SHC3: variants seen among roughly 807,000 people sequenced by gnomAD.
SHC3 encodes the protein SHC adaptor protein 3.
SHC3 carries 15 observed loss-of-function variants against 60.4 expected under a neutral mutation model. That is an observed-to-expected ratio of 0.25 (90% CI 0.17 to 0.38). SHC3 has a LOEUF of 0.38. SHC3 is among the 10% of genes least tolerant of loss of function. The pLI is 1.00. For missense variants in SHC3, 677 were observed against 786.1 expected (o/e 0.86, Z 1.66); for synonymous variants, 294 against 325.9 (o/e 0.90, Z 1.05).
chr9:89,174,471 T>C (rs940074645), intron 1 of SHC3, among the ~76,000 whole-genome samples: 2 of 152,208 alleles, frequency 1.3e-5, no homozygotes, highest in Admixed American at 6.5e-5. Context: ...GTAACTTCGC[T>C]GGAGCCTTCA....
rs1007441420 is a variant in SHC3, at chr9:89,169,797, G to A, written c.474+8190C>T. Among the ~76,000 whole-genome samples the A allele has an allele frequency of 3.9e-5, 6 of 152,110 alleles. No homozygotes were observed. The East Asian group carries it at 1.2e-3, about 29-fold the overall frequency. ...CTCATTTTACCATTCTCTCTATTTTGTTGTGTTTATATGTTTCCTATGATG... is the reference window on the plus strand; with the variant it reads ...CTCATTTTACCATTCTCTCTATTTTATTGTGTTTATATGTTTCCTATGATG... On this transcript the variant is annotated intron_variant, in intron 1 of 11. Transcript: ENST00000375835.
At chr9:89,032,258 A>C (rs1165302079) in intron 11 of SHC3, among the ~76,000 whole-genome samples, 4 of 152,218 alleles carry the variant, frequency 2.6e-5, no homozygotes, top group Admixed American at 6.5e-5. Context: ...AACATTTAAA[A>C]ACTACTCTTA....
chr9:89,037,873 G>C (rs1824608204), intron 11 of SHC3, 120 bp downstream of exon 11: 2 of 1,283,000 alleles, frequency 1.6e-6, no homozygotes, highest in African/African-American at 3.0e-5. Flanking sequence ...TCCCCTGGAG[G>C]ACTCAGTAGG....
intron 11 of SHC3, among the ~76,000 whole-genome samples, chr9:89,018,557 G>A (rs566522751): frequency 6.6e-6 from 1 of 152,168 alleles, no homozygotes; most frequent in Admixed American, 6.5e-5. Context: ...GATGAGCACA[G>A]CAAACCACCA....
chr9:89,131,952 A>C (rs1187936606), intron 1 of SHC3, among the ~76,000 whole-genome samples: 1 of 152,198 alleles, frequency 6.6e-6, no homozygotes, highest in Non-Finnish European at 1.5e-5. Flanking sequence ...TCAAATAGGA[A>C]AAGAGGAAGT....
At position 89,129,091 on chromosome 9, in the gene SHC3, C is replaced by T. The variant is rs188047483; in HGVS notation, c.475-16465G>A. On this transcript the variant is annotated intron_variant, in intron 1 of 11. Transcript: ENST00000375835. ...CCTGATGGAGCTAAAAACCATGGCA[C>T]GAGAACTACGTGACACATGCACAAG... Among the ~76,000 whole-genome samples, 29 of 152,146 alleles carry T rather than the reference C, an allele frequency of 1.9e-4. 1 individual carries two copies. Among genetic ancestry groups the T allele is most frequent in the African/African-American group, 6.0e-4 (25 of 41,496 alleles).
Position 89,071,260 on chromosome 9 carries a change from G to T in SHC3, c.730-8C>A. The T allele has an allele frequency of 6.2e-7, 1 of 1,614,022 alleles. No individual in the cohort carries two copies. The highest frequency in any genetic ancestry group is 8.5e-7 in the Non-Finnish European group (1 of 1,179,942). On this transcript the variant is annotated splice_region_variant and splice_polypyrimidine_tract_variant and intron_variant, in intron 4 of 11. Coordinates refer to ENST00000375835, the MANE Select transcript of SHC3 (RefSeq NM_016848.6). ...GTGGTGATTCGCTATGATCTGCCAG[G>T]CCCAAAACAAGAAACGAGATGTGCT...
Position 89,016,653 on chromosome 9 carries a change from C to T in SHC3, c.1657-3078G>A, listed in dbSNP as rs115333336. 9.4e-3 allele frequency among the ~76,000 whole-genome samples: 1,432 copies of T among 152,214 alleles called. 23 individuals carry two copies. The highest frequency in any genetic ancestry group is 0.032 in the African/African-American group (1,343 of 41,524). ...TTTCTCAGAAGATAGAATCAGAGAA[C>T]ATAATTCCTCATTCTATGAAGCCAG... is the stretch of plus-strand genomic sequence containing the variant. On this transcript the variant is annotated intron_variant, in intron 11 of 11. Coordinates refer to ENST00000375835, the MANE Select transcript of SHC3 (RefSeq NM_016848.6).
intron 1 of SHC3, among the ~76,000 whole-genome samples, chr9:89,125,457 C>G (rs1011777141): frequency 6.6e-6 from 1 of 151,892 alleles, no homozygotes; most frequent in African/African-American, 2.4e-5. Flanking sequence ...GTATCTCACA[C>G]AGCTCCTGGC....
Position 89,012,266 on chromosome 9 carries a change from G to A in SHC3, c.*1181C>T, listed in dbSNP as rs1564071468. 6.6e-6 allele frequency: 1 copy of A among 152,222 alleles called. No homozygotes were observed. Among genetic ancestry groups the A allele is most frequent in the East Asian group, 1.9e-4 (1 of 5,192 alleles). 9.4% of individuals were successfully genotyped at this position (152,222 alleles called of 1,614,324 possible). A position where few individuals can be genotyped will look rare whatever the true frequency, so the allele number is the denominator to read the frequency against. ...CTCAGGAAATGACAGTATTTTACCTGGAAGAAAGGGAGTCAAGACAAAGAG... is the reference window on the plus strand; with the variant it reads ...CTCAGGAAATGACAGTATTTTACCTAGAAGAAAGGGAGTCAAGACAAAGAG... On this transcript the variant is annotated 3_prime_UTR_variant, in exon 12 of 12. Coordinates refer to ENST00000375835, the MANE Select transcript of SHC3 (RefSeq NM_016848.6).
intron 6 of SHC3, 77 bp from the exon 7 acceptor site, chr9:89,052,240 T>C: frequency 6.4e-7 from 1 of 1,574,460 alleles, no homozygotes; most frequent in Non-Finnish European, 8.6e-7. Flanking sequence ...GAGCCCTTGC[T>C]GAGGACACAG....
intron 1 of SHC3, among the ~76,000 whole-genome samples, chr9:89,174,639 C>T (rs960900275): frequency 1.3e-5 from 2 of 152,158 alleles, no homozygotes; most frequent in African/African-American, 4.8e-5. Context: ...CACTTCTTAT[C>T]CTTTTGAAGT....
intron 3 of SHC3, among the ~76,000 whole-genome samples, chr9:89,077,336 A>G (rs1564124257): frequency 1.3e-5 from 2 of 152,226 alleles, no homozygotes; most frequent in South Asian, 2.1e-4. Context: ...GCTACTACAT[A>G]TCTCTTCCCG....
At chr9:89,019,620 G>A (rs191636495) in intron 11 of SHC3, among the ~76,000 whole-genome samples, 2 of 152,218 alleles carry the variant, frequency 1.3e-5, no homozygotes, top group East Asian at 1.9e-4. Flanking sequence ...GAATGAACAC[G>A]TGGAATTTAA....
rs1266629216 is a variant in SHC3, at chr9:89,006,364, C to A, written c.*7083G>T. 6.6e-6 allele frequency: 1 copy of A among 152,176 alleles called. No individual in the cohort carries two copies. The highest frequency in any genetic ancestry group is 1.5e-5 in the Non-Finnish European group (1 of 68,046). 9.4% of individuals were successfully genotyped at this position (152,176 alleles called of 1,614,324 possible). A position where few individuals can be genotyped will look rare whatever the true frequency, so the allele number is the denominator to read the frequency against. ...CTGTATTCTCAAATCTCCAAAACACCAGATAACTTAGGTTTTTTCATTTGT... is the reference window on the plus strand; with the variant it reads ...CTGTATTCTCAAATCTCCAAAACACAAGATAACTTAGGTTTTTTCATTTGT... On this transcript the variant is annotated 3_prime_UTR_variant, in exon 12 of 12. Transcript: ENST00000375835.
At chr9:89,110,165 G>A (rs926224894) in intron 2 of SHC3, 2 of 985,260 alleles carry the variant, frequency 2.0e-6, no homozygotes, top group Non-Finnish European at 2.4e-6. Context: ...ACATATTCCT[G>A]GGGAGTTTTC....
chr9:89,083,430 C>A, intron 2 of SHC3, among the ~76,000 whole-genome samples: 1 of 152,258 alleles, frequency 6.6e-6, no homozygotes, highest in African/African-American at 2.4e-5. Context: ...TACAGAATCC[C>A]GGGATAAGGC....
chr9:89,065,952 C>T (rs1199544400), intron 5 of SHC3, among the ~76,000 whole-genome samples: 1 of 152,218 alleles, frequency 6.6e-6, no homozygotes, highest in Non-Finnish European at 1.5e-5. Flanking sequence ...AAGCTTTAAA[C>T]ACACTGATAC....
At chr9:89,066,406 A>C (rs1825181959) in intron 5 of SHC3, among the ~76,000 whole-genome samples, 1 of 152,244 alleles carries the variant, frequency 6.6e-6, no homozygotes, top group Admixed American at 6.5e-5. Context: ...TGTTTTAAAA[A>C]TATGAGCTCT....
Sources: allele counts gnomAD v4.1 joint callset (sites outside exome capture counted in the v4.1 genomes callset), GRCh38; gene constraint gnomAD v4.1.1; transcripts MANE v1.5; gene names NCBI Gene and HGNC (gene_info 2026-07-23, HGNC 2026-07-21).